PALLD: variants seen among roughly 807,000 people sequenced by gnomAD.
PALLD encodes the protein palladin, cytoskeletal associated protein.
In PALLD, 61 loss-of-function variants were observed where a neutral mutation model predicts 123.5. The ratio of observed to expected loss-of-function variants is 0.49; its 90% CI spans 0.40 to 0.61. The LOEUF (loss-of-function observed/expected upper bound fraction) is 0.61, where lower values mean the gene tolerates loss of function less well. Among genes scored for constraint, PALLD ranks in the 20% least tolerant of loss-of-function variants. The pLI is 0.00. For missense variants in PALLD, 1,273 were observed against 1,377.0 expected, an observed-to-expected ratio of 0.92 and a Z score of 1.20; for synonymous variants, 465 against 496.4, an observed-to-expected ratio of 0.94 and a Z score of 0.84.
chr4:168,567,805 A>G (rs886738416), intron 2 of PALLD, among the ~76,000 whole-genome samples: 2 of 151,820 alleles, frequency 1.3e-5, no homozygotes, highest in Non-Finnish European at 2.9e-5. Context: ...AAAAGGTGGG[A>G]GGATGGGAGG....
At position 168,753,796 on chromosome 4, in the gene PALLD, C is replaced by T. The variant is rs138483527; in HGVS notation, c.1964+41873C>T. 3.5e-3 allele frequency among the ~76,000 whole-genome samples: 537 copies of T among 152,320 alleles called. 1 individual carries two copies. The highest frequency in any genetic ancestry group is 6.0e-3 in the Non-Finnish European group (409 of 68,034). Reference sequence around the variant, plus strand: ...TGGCAATGGATCCTTCAGCCATAGTCAGGCCTTTAGCTGACTGCGGCCTTG... The same window carrying T: ...TGGCAATGGATCCTTCAGCCATAGTTAGGCCTTTAGCTGACTGCGGCCTTG... On this transcript the variant is annotated intron_variant, in intron 10 of 21. Transcript: ENST00000505667.
intron 2 of PALLD, among the ~76,000 whole-genome samples, chr4:168,617,069 C>T (rs1432719749): frequency 6.6e-6 from 1 of 152,088 alleles, no homozygotes; most frequent in African/African-American, 2.4e-5. Context: ...TGGCTGGAAT[C>T]GGGGCATCAT....
In PALLD at chr4:168,878,087, G is replaced by A. The variant is rs1272490169; in HGVS notation, c.1965-12835G>A. 6.9e-7 allele frequency: 1 copy of A among 1,444,936 alleles called. No homozygotes were observed. Among genetic ancestry groups the A allele is most frequent in the Non-Finnish European group, 9.0e-7 (1 of 1,107,692 alleles). The allele number at this position is 1,444,936 out of a possible 1,614,324, so 89.5% of individuals were successfully genotyped here. A position where few individuals can be genotyped will look rare whatever the true frequency, so the allele number is the denominator to read the frequency against. ...GCCGAGGCAGTTCGGCCGCGCCCCC[G>A]TGCCGCCCTTCGCGCAGCCCTTCGG... On this transcript the variant is annotated intron_variant, in intron 10 of 21. Coordinates refer to ENST00000505667, the MANE Select transcript of PALLD (RefSeq NM_001166108.2).
At chr4:168,756,964 G>A (rs954965024) in intron 10 of PALLD, among the ~76,000 whole-genome samples, 5 of 152,222 alleles carry the variant, frequency 3.3e-5, no homozygotes, top group Admixed American at 1.3e-4. Context: ...TCCAGATGAG[G>A]ACGATGTTTC....
At chr4:168,594,474 A>G (rs1014646395) in intron 2 of PALLD, among the ~76,000 whole-genome samples, 3 of 152,162 alleles carry the variant, frequency 2.0e-5, no homozygotes, top group Non-Finnish European at 4.4e-5. Flanking sequence ...TACTTAACAA[A>G]TCAAATGTTT....
chr4:168,916,027 A>C lies in PALLD; in HGVS notation c.2850A>C (p.Lys950Asn). 1 of 1,613,580 alleles carries C rather than the reference A, an allele frequency of 6.2e-7. No homozygotes were observed. The highest frequency in any genetic ancestry group is 8.5e-7 in the Non-Finnish European group (1 of 1,179,780). Reference protein sequence around the residue: ...QEGKLCRMDCKVSGLPTPDLS... With the variant: ...QEGKLCRMDCNVSGLPTPDLS... ...GAAAACTCTGCAGAATGGACTGCAA[A>C]GTAAGATTTTGTTATTGCTTGCATA... The change falls in exon 17 of 22, where the codon AAA (lysine) becomes AAC (asparagine). Residue 950 changes from lysine (K) to asparagine (N), a missense_variant and splice_region_variant. Physicochemically the swap from Lys to Asn is moderately conservative, Grantham distance 94 (BLOSUM62 0). Coordinates refer to ENST00000505667, the MANE Select transcript of PALLD (RefSeq NM_001166108.2).
chr4:168,759,202 A>AAAAAAAAAAAAT (rs1554077926), intron 10 of PALLD, among the ~76,000 whole-genome samples: 4 of 22,298 alleles, frequency 1.8e-4, no homozygotes, highest in Non-Finnish European at 3.5e-4. Flanking sequence ...AAAAAAAAAA[A>AAAAAAAAAAAAT]ATATATATAT....
chr4:168,632,267 G>A (rs1389844573), intron 2 of PALLD, among the ~76,000 whole-genome samples: 1 of 151,824 alleles, frequency 6.6e-6, no homozygotes, highest in African/African-American at 2.4e-5. Flanking sequence ...TGCGATTTGA[G>A]CCCAATGAGT....
chr4:168,799,015 G>A (rs2150666556), intron 10 of PALLD, among the ~76,000 whole-genome samples: 1 of 152,230 alleles, frequency 6.6e-6, no homozygotes, highest in Admixed American at 6.5e-5. Flanking sequence ...AGAGACTCCG[G>A]GGGTGCCTTG....
chr4:168,546,005 G>A (rs1395333711), intron 2 of PALLD, among the ~76,000 whole-genome samples: 1 of 152,126 alleles, frequency 6.6e-6, no homozygotes, highest in Non-Finnish European at 1.5e-5. Flanking sequence ...CTATTTAAAT[G>A]CACAATTCCA....
rs111836954 is a variant in PALLD, at chr4:168,731,657, A to G, written c.1964+19734A>G. On this transcript the variant is annotated intron_variant, in intron 10 of 21. Transcript: ENST00000505667. ...GAAATAAGCAATTTGCAAAACTTGC[A>G]AAAAACTGTAAGTGAATTATTCCTC... Among the ~76,000 whole-genome samples, 1,473 of 152,376 alleles carry G rather than the reference A, an allele frequency of 9.7e-3. 12 individuals are homozygous for G. Among genetic ancestry groups the G allele is most frequent in the Non-Finnish European group, 0.016 (1,083 of 68,042 alleles).
chr4:168,697,896 T>C (rs942171956), intron 8 of PALLD, among the ~76,000 whole-genome samples: 1 of 152,242 alleles, frequency 6.6e-6, no homozygotes, highest in African/African-American at 2.4e-5. Context: ...GAAGTCAGTA[T>C]ATCAAATAGA....
chr4:168,893,291 T>G lies in PALLD; in HGVS notation c.2101-1288T>G, dbSNP rs553693172. Reference sequence around the variant, plus strand: ...TTTTAATAGGTGTGAGAAAATTAATTTAATAACATAGTGGACTCAGATGCT... The same window carrying G: ...TTTTAATAGGTGTGAGAAAATTAATGTAATAACATAGTGGACTCAGATGCT... On this transcript the variant is annotated intron_variant, in intron 11 of 21. Transcript: ENST00000505667. 2.9e-4 allele frequency among the ~76,000 whole-genome samples: 44 copies of G among 152,316 alleles called. No homozygotes were observed. The South Asian group carries it at 8.9e-3, about 31-fold the overall frequency.
chr4:168,827,462 C>T (rs1308672950), intron 10 of PALLD, among the ~76,000 whole-genome samples: 2 of 152,186 alleles, frequency 1.3e-5, no homozygotes, highest in East Asian at 3.8e-4. Context: ...AGTCCAAATT[C>T]AAAATAGTCC....
chr4:168,925,147 GCAAAT>G, intron 20 of PALLD, 69 bp downstream of exon 20: 1 of 1,587,950 alleles, frequency 6.3e-7, no homozygotes, highest in Non-Finnish European at 8.6e-7. Context: ...CATCTGGACA[GCAAAT>G]CACATTACTC....
intron 10 of PALLD, among the ~76,000 whole-genome samples, chr4:168,739,844 T>C (rs1193999544): frequency 6.6e-6 from 1 of 152,210 alleles, no homozygotes; most frequent in Non-Finnish European, 1.5e-5. Context: ...ACTGCGTGAA[T>C]TTTTGTTTCA....
chr4:168,745,134 G>A lies in PALLD; in HGVS notation c.1964+33211G>A, dbSNP rs143437962. Among the ~76,000 whole-genome samples the A allele has an allele frequency of 4.1e-3, 628 of 152,190 alleles. 6 individuals are homozygous for A. The highest frequency in any genetic ancestry group is 0.014 in the African/African-American group (585 of 41,488). The stretch of plus-strand genomic sequence containing the variant: ...TATTGATAAAACAAAAGTAATAATA[G>A]CACCATAGGACTGTTAAGAGGATTA... On this transcript the variant is annotated intron_variant, in intron 10 of 21. Coordinates refer to ENST00000505667, the MANE Select transcript of PALLD (RefSeq NM_001166108.2).
At chr4:168,857,808 A>G (rs946343165) in intron 10 of PALLD, among the ~76,000 whole-genome samples, 4 of 152,240 alleles carry the variant, frequency 2.6e-5, no homozygotes, top group Non-Finnish European at 4.4e-5. Flanking sequence ...CAGTATTACA[A>G]AAGAACCTAA....
rs569380797 is a variant in PALLD, at chr4:168,559,314, A to T, written c.908+46902A>T. On this transcript the variant is annotated intron_variant, in intron 2 of 21. Transcript: ENST00000505667. ...CAGCAAGACTATACACAAATAGAGA[A>T]GATCAGGTCAGTTTTGCTGAAAAGA... is the stretch of plus-strand genomic sequence containing the variant. 1.8e-3 allele frequency among the ~76,000 whole-genome samples: 281 copies of T among 152,346 alleles called. 1 individual carries two copies. The highest frequency in any genetic ancestry group is 4.6e-3 in the Admixed American group (71 of 15,296).
Sources: allele counts gnomAD v4.1 joint callset (sites outside exome capture counted in the v4.1 genomes callset), GRCh38; gene constraint gnomAD v4.1.1; transcripts MANE v1.5; gene names NCBI Gene and HGNC (gene_info 2026-07-23, HGNC 2026-07-21).